ASNS: variants seen among roughly 807,000 people sequenced by gnomAD.
ASNS encodes asparagine synthetase (glutamine-hydrolyzing), also known as asparagine synthetase [glutamine-hydrolyzing].
A neutral mutation model predicts 62.6 loss-of-function variants in ASNS; 37 were observed. The observed-to-expected ratio is 0.59, with a 90% CI of 0.45 to 0.78. The LOEUF is 0.78. Among genes scored for constraint, ASNS ranks in the 30% least tolerant of loss-of-function variants. The probability of loss-of-function intolerance (pLI) is 0.00; values close to 1 mark genes in which losing one functional copy is unlikely to be tolerated. For missense variants in ASNS, 520 were observed against 682.4 expected (o/e 0.76, Z 2.65); for synonymous variants, 207 against 237.9 (o/e 0.87, Z 1.19).
At chr7:97,920,982 C>G in the ASNS span, among the ~76,000 whole-genome samples, 1 of 152,318 alleles carries the variant, frequency 6.6e-6, no homozygotes, top group South Asian at 2.1e-4. Context: ...ATCCCAAGCC[C>G]TTGCCTGGAG....
intron 2 of ASNS, 119 bp from the exon 3 acceptor site, chr7:97,869,298 T>C (rs1225126602): frequency 8.5e-7 from 1 of 1,180,460 alleles, no homozygotes; most frequent in Admixed American, 2.8e-5. Context: ...AACCATCTTT[T>C]CTATAGCGAT....
chr7:97,901,282 G>A, the ASNS span, among the ~76,000 whole-genome samples: 5 of 152,130 alleles, frequency 3.3e-5, no homozygotes, highest in Non-Finnish European at 7.3e-5. Context: ...TGCAACATCT[G>A]CCTCCTGGGT....
intron 8 of ASNS, 24 bp from the exon 9 acceptor site, chr7:97,855,483 C>G: frequency 6.4e-7 from 1 of 1,560,422 alleles, no homozygotes; most frequent in Non-Finnish European, 8.8e-7. Flanking sequence ...GAGAAATTAA[C>G]TTTAATGTCA....
At position 97,868,909 on chromosome 7, in the gene ASNS, T is replaced by C. The variant is rs1297119071; in HGVS notation, c.248A>G (p.Lys83Arg). The C allele has an allele frequency of 1.9e-6, 3 of 1,613,516 alleles. No individual in the cohort carries two copies. In the Admixed American group the frequency reaches 5.0e-5, roughly 27 times the overall value. The change falls in exon 3 of 13, where the codon AAG (lysine) becomes AGG (arginine). Residue 83 changes from lysine (K) to arginine (R), a missense_variant and splice_region_variant. Physicochemically the swap from Lys to Arg is conservative, Grantham distance 26 (BLOSUM62 2). Transcript: ENST00000394308. ...CYNGEIYNHK[K>R]MQQHFEFEYQ... The stretch of plus-strand genomic sequence containing the variant: ...GACATCTGGTTTCTTTCTCCTCACC[T>C]TCTTATGGTTGTAGATTTCACCATT...
chr7:97,905,061 A>C, the ASNS span, among the ~76,000 whole-genome samples: 1 of 152,102 alleles, frequency 6.6e-6, no homozygotes, highest in Non-Finnish European at 1.5e-5. Context: ...ACATCCCAAC[A>C]TCAAACAGTG....
the ASNS span, among the ~76,000 whole-genome samples, chr7:97,901,084 GTTC>G: frequency 2.6e-5 from 4 of 152,254 alleles, no homozygotes; most frequent in African/African-American, 9.6e-5. Context: ...AGAAAAAAGT[GTTC>G]TTCATTCTAG....
upstream of ASNS, among the ~76,000 whole-genome samples, chr7:97,874,080 G>C (rs1792384876): frequency 6.6e-6 from 1 of 152,106 alleles, no homozygotes; most frequent in Non-Finnish European, 1.5e-5. Flanking sequence ...GGAGACTGGA[G>C]TTTATTTCAC....
chr7:97,882,789 A>G, the ASNS span, among the ~76,000 whole-genome samples: 9 of 152,298 alleles, frequency 5.9e-5, no homozygotes, highest in Middle Eastern at 3.4e-3. Context: ...GGAAAAACAA[A>G]TCACAGCCCA....
At chr7:97,914,089 T>G in the ASNS span, among the ~76,000 whole-genome samples, 112,331 of 130,250 alleles carry the variant, frequency 0.86, 48,048 homozygotes, top group East Asian at 0.91. Flanking sequence ...GAGAGTGGGT[T>G]GGATGGATAG....
At chr7:97,868,519 ATGTG>A (rs61611439) in intron 3 of ASNS, among the ~76,000 whole-genome samples, 13 of 122,990 alleles carry the variant, frequency 1.1e-4, no homozygotes, top group South Asian at 2.8e-4. Context: ...CAGCAAAAAC[ATGTG>A]TGTGTGTGTG....
chr7:97,918,696 C>A, the ASNS span, among the ~76,000 whole-genome samples: 1 of 152,150 alleles, frequency 6.6e-6, no homozygotes, highest in Non-Finnish European at 1.5e-5. Context: ...CCAAACTCTG[C>A]GGGTTCTCAC....
In ASNS at chr7:97,852,138, GGACT is replaced by G. The variant is rs1791206214; in HGVS notation, c.*117_*120del. The G allele has an allele frequency of 9.3e-7, 1 of 1,072,962 alleles. No homozygotes were observed. The highest frequency in any genetic ancestry group is 1.4e-6 in the Non-Finnish European group (1 of 739,702). 66.5% of individuals were successfully genotyped at this position (1,072,962 alleles called of 1,614,324 possible). ...TGACTACAGCAATGGTTTAGATTTA[GGACT>G]TTTATTTTTTTCACACCCAAGTTAG... On this transcript the variant is annotated 3_prime_UTR_variant, in exon 13 of 13. Coordinates refer to ENST00000394308, the MANE Select transcript of ASNS (RefSeq NM_001673.5).
At chr7:97,880,886 T>C in the ASNS span, among the ~76,000 whole-genome samples, 1 of 152,210 alleles carries the variant, frequency 6.6e-6, no homozygotes, top group East Asian at 1.9e-4. Flanking sequence ...CCCTTGGGGA[T>C]GAAACATGGG....
chr7:97,918,335 C>T, the ASNS span, among the ~76,000 whole-genome samples: 1 of 152,328 alleles, frequency 6.6e-6, no homozygotes, highest in Admixed American at 6.5e-5. Flanking sequence ...CCTCCAGGAA[C>T]ATCTCACAGA....
chr7:97,892,671 T>C, the ASNS span, among the ~76,000 whole-genome samples: 1 of 152,066 alleles, frequency 6.6e-6, no homozygotes, highest in Non-Finnish European at 1.5e-5. Context: ...CACAAATCTC[T>C]ACAGCAGGGG....
intron 3 of ASNS, among the ~76,000 whole-genome samples, chr7:97,865,263 C>T (rs1791909491): frequency 6.6e-6 from 1 of 152,206 alleles, no homozygotes; most frequent in Admixed American, 6.5e-5. Flanking sequence ...TGTTAAACAG[C>T]TGTACAAACA....
intron 4 of ASNS, among the ~76,000 whole-genome samples, chr7:97,862,672 C>A (rs1229112819): frequency 2.0e-5 from 3 of 151,494 alleles, no homozygotes; most frequent in South Asian, 2.1e-4. Flanking sequence ...CACAGTAATG[C>A]AAGATGTTAA....
chr7:97,891,109 A>C, the ASNS span, among the ~76,000 whole-genome samples: 1 of 152,228 alleles, frequency 6.6e-6, no homozygotes. Context: ...ATGGACTTAC[A>C]CTTCCACATA....
At chr7:97,900,360 C>CAAAAAAAAA in the ASNS span, among the ~76,000 whole-genome samples, 10 of 89,368 alleles carry the variant, frequency 1.1e-4, no homozygotes, top group African/African-American at 4.3e-4. Flanking sequence ...GACTTTGTCT[C>CAAAAAAAAA]AAAAAAAAAA....
Sources: allele counts gnomAD v4.1 joint callset (sites outside exome capture counted in the v4.1 genomes callset), GRCh38; gene constraint gnomAD v4.1.1; transcripts MANE v1.5; gene names NCBI Gene and HGNC (gene_info 2026-07-23, HGNC 2026-07-21).